Variants in GPATCH2 observed in about 807,000 individuals in gnomAD.
GPATCH2 encodes the protein G-patch domain containing 2, also known as G patch domain-containing protein 2.
Under a neutral mutation model 58.0 loss-of-function variants are expected in GPATCH2, and 51 were observed. That is an observed-to-expected ratio of 0.88 (90% CI 0.70 to 1.11). The LOEUF (loss-of-function observed/expected upper bound fraction) is 1.11. Among genes scored for constraint, GPATCH2 ranks in the 50% most tolerant of loss-of-function variants. The pLI is 0.00. For missense variants in GPATCH2, 625 were observed against 652.2 expected (o/e 0.96, Z 0.45); for synonymous variants, 222 against 218.5 (o/e 1.02, Z -0.14).
intron 8 of GPATCH2, among the ~76,000 whole-genome samples, chr1:217,457,394 C>T (rs1443208615): frequency 6.6e-6 from 1 of 152,136 alleles, no homozygotes. Flanking sequence ...TAATGCTTAC[C>T]TCAAAAGATT....
chr1:217,511,281 T>C (rs1476954236), intron 6 of GPATCH2, among the ~76,000 whole-genome samples: 1 of 152,032 alleles, frequency 6.6e-6, no homozygotes, highest in Admixed American at 6.6e-5. Context: ...CACCAAAGAT[T>C]AGGATTGGTA....
chr1:217,462,467 A>C (rs994098335), intron 8 of GPATCH2, among the ~76,000 whole-genome samples: 45 of 152,306 alleles, frequency 3.0e-4, no homozygotes, highest in Non-Finnish European at 3.2e-4. Flanking sequence ...GATTTCAGGA[A>C]GCAGTCAAGT....
chr1:217,626,159 G>A (rs1289820832), intron 1 of GPATCH2, among the ~76,000 whole-genome samples: 1 of 152,146 alleles, frequency 6.6e-6, no homozygotes, highest in East Asian at 1.9e-4. Context: ...GGAATGCAGT[G>A]CTAAAAGTAA....
intron 8 of GPATCH2, among the ~76,000 whole-genome samples, chr1:217,465,676 G>A (rs533542650): frequency 9.7e-4 from 147 of 152,230 alleles, no homozygotes; most frequent in African/African-American, 3.3e-3. Flanking sequence ...ATTCTTCACC[G>A]TGATTGTGAG....
rs562279298 is a variant in GPATCH2, at chr1:217,537,791, A to G, written c.1099-22902T>C. 5.9e-4 allele frequency among the ~76,000 whole-genome samples: 90 copies of G among 152,326 alleles called. 1 individual carries two copies. The highest frequency in any genetic ancestry group is 2.0e-3 in the African/African-American group (83 of 41,572). On this transcript the variant is annotated intron_variant, in intron 5 of 9. Coordinates refer to ENST00000366935, the MANE Select transcript of GPATCH2 (RefSeq NM_018040.5). Reference sequence around the variant, plus strand: ...ATTCAATCATCTGGATAATTCTAACAATTTCAAATTGACAATAACATCATT... The same window carrying G: ...ATTCAATCATCTGGATAATTCTAACGATTTCAAATTGACAATAACATCATT...
chr1:217,492,804 G>C (rs1299936873), intron 7 of GPATCH2: 1 of 152,162 alleles, frequency 6.6e-6, no homozygotes, highest in South Asian at 2.1e-4. Flanking sequence ...AGGAAATGCT[G>C]AGAAATAATA....
chr1:217,568,651 C>A (rs1048998614), intron 5 of GPATCH2, among the ~76,000 whole-genome samples: 1 of 152,056 alleles, frequency 6.6e-6, no homozygotes, highest in African/African-American at 2.4e-5. Context: ...GACTGCAAGG[C>A]CAGTGTTGCT....
intron 5 of GPATCH2, among the ~76,000 whole-genome samples, chr1:217,596,063 G>A (rs1667813396): frequency 6.6e-6 from 1 of 152,074 alleles, no homozygotes; most frequent in African/African-American, 2.4e-5. Context: ...GAATAGGAGA[G>A]AAAACATTAA....
At chr1:217,517,998 T>C (rs1663253220) in intron 5 of GPATCH2, among the ~76,000 whole-genome samples, 1 of 152,150 alleles carries the variant, frequency 6.6e-6, no homozygotes. Context: ...TTGATAAACT[T>C]AGACATCACA....
At chr1:217,522,365 A>T (rs1663510922) in intron 5 of GPATCH2, among the ~76,000 whole-genome samples, 1 of 152,234 alleles carries the variant, frequency 6.6e-6, no homozygotes, top group South Asian at 2.1e-4. Context: ...CCATGGTAAT[A>T]CTATTTTTTT....
At chr1:217,485,897 T>C (rs867520045) in intron 8 of GPATCH2, among the ~76,000 whole-genome samples, 6 of 152,346 alleles carry the variant, frequency 3.9e-5, no homozygotes, top group Middle Eastern at 3.4e-3. Flanking sequence ...AATGTCCTTA[T>C]GTGGTGCATG....
chr1:217,532,127 T>C (rs1664223342), intron 5 of GPATCH2, among the ~76,000 whole-genome samples: 1 of 152,216 alleles, frequency 6.6e-6, no homozygotes, highest in Non-Finnish European at 1.5e-5. Context: ...CACTGGGCTG[T>C]GAGCAACTCC....
intron 5 of GPATCH2, among the ~76,000 whole-genome samples, chr1:217,523,096 A>G (rs1410595281): frequency 6.6e-6 from 1 of 151,874 alleles, no homozygotes; most frequent in African/African-American, 2.4e-5. Context: ...AATAGCAATT[A>G]AGAAGGCAAA....
Position 217,499,641 on chromosome 1 carries a change from A to G in GPATCH2, c.1167-1246T>C, listed in dbSNP as rs552833558. On this transcript the variant is annotated intron_variant, in intron 6 of 9. Coordinates refer to ENST00000366935, the MANE Select transcript of GPATCH2 (RefSeq NM_018040.5). ...AATGTACATTTATTGGTATTAGTAA[A>G]TAACACCTGGATTAATTACCAAATT... Among the ~76,000 whole-genome samples the G allele has an allele frequency of 7.2e-5, 11 of 152,252 alleles. No individual in the cohort carries two copies. The East Asian group carries it at 1.9e-3, about 27-fold the overall frequency.
In GPATCH2 at chr1:217,620,128, C is replaced by T; in HGVS notation, c.428G>A (p.Trp143Ter). The change falls in exon 2 of 10, where the codon TGG becomes TAG. Residue 143 changes from tryptophan (W) to a stop codon, truncating the protein, a stop_gained. Transcript: ENST00000366935. LOFTEE classifies it high-confidence loss of function. ...GTCCACAGCAAAATCAGACTCATGC[C>T]ATAGAGGTCTTTTCCCTCGAACATT... ...NNNVRGKRPL[W>*]HESDFAVDNV... 1 of 1,614,108 alleles carries T rather than the reference C, an allele frequency of 6.2e-7. No homozygotes were observed. Among genetic ancestry groups the T allele is most frequent in the Non-Finnish European group, 8.5e-7 (1 of 1,180,002 alleles).
intron 5 of GPATCH2, among the ~76,000 whole-genome samples, chr1:217,600,988 C>A (rs554282415): frequency 1.3e-5 from 2 of 152,122 alleles, no homozygotes; most frequent in African/African-American, 4.8e-5. Flanking sequence ...TAAGCCATTT[C>A]TTTACTAATA....
At position 217,584,032 on chromosome 1, in the gene GPATCH2, T is replaced by C. The variant is rs149749540; in HGVS notation, c.1098+26289A>G. 1.1e-4 allele frequency among the ~76,000 whole-genome samples: 17 copies of C among 151,886 alleles called. 1 individual carries two copies. In the East Asian group the frequency reaches 3.3e-3, roughly 30 times the overall value. On this transcript the variant is annotated intron_variant, in intron 5 of 9. Transcript: ENST00000366935. The stretch of plus-strand genomic sequence containing the variant: ...ACTTCTAAGCATAATGGAAGAAAAA[T>C]GATCCTGCAAAGAAAGACTGAAATA...
intron 6 of GPATCH2, among the ~76,000 whole-genome samples, chr1:217,511,817 C>CTG (rs35836441): frequency 0.55 from 82,002 of 148,930 alleles, 23,578 homozygotes; most frequent in East Asian, 0.82. Flanking sequence ...AACTGGAAGT[C>CTG]TGTGTGTGTG....
At chr1:217,542,642 T>G (rs770690112) in intron 5 of GPATCH2, among the ~76,000 whole-genome samples, 24 of 152,202 alleles carry the variant, frequency 1.6e-4, no homozygotes, top group Admixed American at 3.3e-4. Flanking sequence ...AGCCTGTGGA[T>G]TCAACATTTT....
Sources: gnomAD v4.1 joint callset for allele counts (sites outside exome capture counted in the v4.1 genomes callset) on GRCh38, gnomAD v4.1.1 for gene constraint, MANE v1.5 for transcripts, NCBI Gene and HGNC (gene_info 2026-07-23, HGNC 2026-07-21) for gene names.